Variants in FAM234B observed in about 807,000 individuals in gnomAD.
The protein encoded by FAM234B is family with sequence similarity 234 member B.
A neutral mutation model predicts 69.3 loss-of-function variants in FAM234B; 33 were observed. The observed-to-expected ratio is 0.48, with a 90% CI of 0.36 to 0.64. The LOEUF is 0.64. FAM234B is among the 30% of genes least tolerant of loss of function. The pLI, the probability that FAM234B is intolerant of heterozygous loss-of-function variation, is 0.00. For missense variants in FAM234B, 697 were observed against 769.7 expected, an observed-to-expected ratio of 0.91 and a Z score of 1.12; for synonymous variants, 306 against 306.9, an observed-to-expected ratio of 1.00 and a Z score of 0.03.
chr12:13,065,869 A>G (rs936748565), intron 5 of FAM234B, among the ~76,000 whole-genome samples: 2 of 152,182 alleles, frequency 1.3e-5, no homozygotes, highest in East Asian at 1.9e-4. Context: ...AGAGTTCATG[A>G]TGATAAACTT....
intron 9 of FAM234B, among the ~76,000 whole-genome samples, chr12:13,069,229 G>C (rs1865074952): frequency 1.3e-5 from 2 of 152,190 alleles, no homozygotes; most frequent in Admixed American, 1.3e-4. Context: ...ACACTGAATA[G>C]ATCTTTGATA....
chr12:13,075,707 C>A (rs1184653952), intron 10 of FAM234B, among the ~76,000 whole-genome samples: 1 of 150,928 alleles, frequency 6.6e-6, no homozygotes, highest in African/African-American at 2.4e-5. Flanking sequence ...CTGCCCACCT[C>A]GGCCTCCTAA....
intron 10 of FAM234B, among the ~76,000 whole-genome samples, chr12:13,072,425 TTAAAATA>T (rs1478174981): frequency 6.6e-6 from 1 of 152,082 alleles, no homozygotes. Flanking sequence ...AAAAATGTAA[TTAAAATA>T]TAAAAATAAA....
At chr12:13,064,244 G>C (rs1865013534) in intron 5 of FAM234B, among the ~76,000 whole-genome samples, 1 of 152,196 alleles carries the variant, frequency 6.6e-6, no homozygotes, top group Admixed American at 6.5e-5. Flanking sequence ...TCTCAAAGTG[G>C]ACCCGAACCA....
At chr12:13,074,688 A>G (rs56802995) in intron 10 of FAM234B, among the ~76,000 whole-genome samples, 8,151 of 152,182 alleles carry the variant, frequency 0.054, 255 homozygotes, top group South Asian at 0.093. Flanking sequence ...AGGAAGGTGT[A>G]TGGCTGTTTT....
intron 2 of FAM234B, among the ~76,000 whole-genome samples, chr12:13,057,383 A>C (rs1864941682): frequency 6.6e-6 from 1 of 151,318 alleles, no homozygotes; most frequent in Non-Finnish European, 1.5e-5. Flanking sequence ...CTACTGTCTG[A>C]TTTTTCCATG....
chr12:13,059,203 A>G (rs1872631), intron 3 of FAM234B, among the ~76,000 whole-genome samples: 36,109 of 151,984 alleles, frequency 0.24, 5,224 homozygotes, highest in East Asian at 0.53. Context: ...GTCACTGCAG[A>G]ATGGCTGCTA....
chr12:13,080,213 T>C (rs776042957), intron 12 of FAM234B, among the ~76,000 whole-genome samples: 2 of 152,200 alleles, frequency 1.3e-5, no homozygotes, highest in Non-Finnish European at 2.9e-5. Flanking sequence ...CTGGAAATAA[T>C]AGCATCTTCC....
At chr12:13,058,950 C>G (rs1178456294) in intron 3 of FAM234B, among the ~76,000 whole-genome samples, 2 of 152,220 alleles carry the variant, frequency 1.3e-5, no homozygotes, top group Admixed American at 6.5e-5. Flanking sequence ...AACTTTTGTT[C>G]ATAGACTTAT....
chr12:13,045,831 CTT>C (rs60209117), intron 1 of FAM234B, among the ~76,000 whole-genome samples: 9 of 146,374 alleles, frequency 6.1e-5, no homozygotes, highest in African/African-American at 9.9e-5. Flanking sequence ...AGCTTTATTT[CTT>C]TTTTTTTTTT....
Position 13,055,796 on chromosome 12 carries a change from G to T in FAM234B, c.283G>T (p.Ala95Ser). Residue 95 changes from alanine (A) to serine (S), a missense_variant, in exon 2 of 13, where the codon GCC becomes TCC. This residue lies in a region of FAM234B where 380 missense variants were observed against 447.1 expected (regional missense o/e 0.85). Coordinates refer to ENST00000197268, the MANE Select transcript of FAM234B (RefSeq NM_020853.2). ...CCTTGGGGGCCTGGAACAGAAGGCG[G>T]CCTCCTCCCTGGTGTCATATGTGCG... ...EPLGGLEQKAASSLVSYVRTS... is the reference protein window; with the variant it reads ...EPLGGLEQKASSSLVSYVRTS... 1 of 1,614,164 alleles carries T rather than the reference G, an allele frequency of 6.2e-7. No homozygotes were observed. The highest frequency in any genetic ancestry group is 8.5e-7 in the Non-Finnish European group (1 of 1,180,016).
intron 1 of FAM234B, among the ~76,000 whole-genome samples, chr12:13,053,250 G>A (rs1206361895): frequency 1.3e-5 from 2 of 151,976 alleles, no homozygotes; most frequent in East Asian, 3.9e-4. Context: ...TTTTTTGAAA[G>A]TACTTAATGT....
chr12:13,056,016 C>T (rs1864927550), intron 2 of FAM234B, 70 bp downstream of exon 2: 5 of 1,429,436 alleles, frequency 3.5e-6, no homozygotes, highest in African/African-American at 1.4e-5. Context: ...TTAAATTTTC[C>T]TCCAAATCTT....
rs948065473 is a variant in FAM234B at position 13,081,780 on chromosome 12, CCTT to C, written c.*1156_*1158del. 4 of 152,040 alleles carry C rather than the reference CCTT, an allele frequency of 2.6e-5. No homozygotes were observed. The highest frequency in any genetic ancestry group is 9.7e-5 in the African/African-American group (4 of 41,398). The allele number at this position is 152,040 out of a possible 1,614,324, so 9.4% of individuals were successfully genotyped here. ...GAATTATCTCCAGTGCTTACTTCTCCCTTCTTCTGTATAAATCTGCTACTTCAA... is the reference window on the plus strand; with the variant it reads ...GAATTATCTCCAGTGCTTACTTCTCCCTTCTGTATAAATCTGCTACTTCAA... On this transcript the variant is annotated 3_prime_UTR_variant, in exon 13 of 13. Transcript: ENST00000197268.
At chr12:13,062,730 T>G in intron 4 of FAM234B, 115 bp from the exon 5 acceptor site, 1 of 1,061,318 alleles carries the variant, frequency 9.4e-7, no homozygotes, top group Admixed American at 2.3e-5. Context: ...TAGGTAGGAG[T>G]TGCTGTCTGT....
At chr12:13,077,721 G>A (rs1034468808) in intron 11 of FAM234B, among the ~76,000 whole-genome samples, 6 of 152,020 alleles carry the variant, frequency 3.9e-5, no homozygotes, top group South Asian at 2.1e-4. Context: ...GAATAGTGCC[G>A]CAATAAATAT....
intron 10 of FAM234B, among the ~76,000 whole-genome samples, chr12:13,071,862 AAACTGAGAGGTCATTTGAGGAACT>A (rs1453261599): frequency 2.0e-5 from 3 of 152,138 alleles, no homozygotes; most frequent in Non-Finnish European, 4.4e-5. Context: ...TGACCAGATA[AAACTGAGAGGTCATTTGAGGAACT>A]ATGGGAGAGA....
Position 13,061,722 on chromosome 12 carries a change from CAG to C in FAM234B, c.681_682del (p.Gly228AspfsTer41). 6.2e-7 allele frequency: 1 copy of C among 1,614,110 alleles called. No individual in the cohort carries two copies. Among genetic ancestry groups the C allele is most frequent in the Non-Finnish European group, 8.5e-7 (1 of 1,180,008 alleles). On this transcript the variant is annotated frameshift_variant, in exon 4 of 13. Transcript: ENST00000197268. LOFTEE classifies it high-confidence loss of function. The stretch of plus-strand genomic sequence containing the variant: ...TTGGCTGAAACCATCTGCCTTGTGA[CAG>C]GGACACACAAGATGCTCAGCGCATT...
At chr12:13,052,330 G>T (rs1184408688) in intron 1 of FAM234B, among the ~76,000 whole-genome samples, 1 of 152,098 alleles carries the variant, frequency 6.6e-6, no homozygotes, top group East Asian at 1.9e-4. Context: ...TGGGATAGGG[G>T]TGGGGATAGA....
Sources: gnomAD v4.1 joint callset for allele counts (sites outside exome capture counted in the v4.1 genomes callset) on GRCh38, gnomAD v4.1.1 for gene constraint, gnomAD v4.1.1 regional missense constraint, MANE v1.5 for transcripts, NCBI Gene and HGNC (gene_info 2026-07-23, HGNC 2026-07-21) for gene names.